Variants in VAV3 observed in about 807,000 individuals in gnomAD.
VAV3 encodes vav guanine nucleotide exchange factor 3, also known as guanine nucleotide exchange factor VAV3.
A neutral mutation model predicts 131.2 loss-of-function variants in VAV3; 94 were observed. The observed-to-expected ratio is 0.72, with a 90% confidence interval of 0.61 to 0.85. The LOEUF is 0.85. VAV3 is among the 40% of genes least tolerant of loss of function. The pLI is 0.00. For synonymous variants in VAV3, 349 were observed against 342.0 expected (o/e 1.02, Z -0.22); for missense variants, 939 against 1,002.7 (o/e 0.94, Z 0.86).
intron 1 of VAV3, among the ~76,000 whole-genome samples, chr1:107,910,118 G>T (rs1427506221): frequency 6.6e-6 from 1 of 152,112 alleles, no homozygotes; most frequent in Non-Finnish European, 1.5e-5. Flanking sequence ...TACAGAAGAG[G>T]AAATGAACTT....
intron 15 of VAV3, among the ~76,000 whole-genome samples, chr1:107,707,581 G>C (rs1660529722): frequency 6.6e-6 from 1 of 152,182 alleles, no homozygotes; most frequent in Non-Finnish European, 1.5e-5. Context: ...CTGTGACCAA[G>C]TCCCCAGAGG....
intron 15 of VAV3, among the ~76,000 whole-genome samples, chr1:107,716,544 T>C (rs1661103998): frequency 6.6e-6 from 1 of 152,224 alleles, no homozygotes; most frequent in African/African-American, 2.4e-5. Context: ...GTTTATTCAT[T>C]TGCATATGTT....
chr1:107,932,783 G>C (rs1372761371), intron 1 of VAV3, among the ~76,000 whole-genome samples: 2 of 152,172 alleles, frequency 1.3e-5, no homozygotes, highest in Non-Finnish European at 2.9e-5. Context: ...GATGTGATTT[G>C]AAGGATAAAG....
At chr1:107,846,778 C>T (rs1242013893) in intron 2 of VAV3, among the ~76,000 whole-genome samples, 2 of 152,138 alleles carry the variant, frequency 1.3e-5, no homozygotes, top group African/African-American at 4.8e-5. Flanking sequence ...AAAGCAAGTC[C>T]TTAGAGACCT....
In VAV3 at chr1:107,571,600, C is replaced by T. The variant is rs1649263808; in HGVS notation, c.*1731G>A. ...AGACAAAACATTCCCGAGACAGAGTCGCAGATAAGACTTTACAGGAAAGAA... is the reference window on the plus strand; with the variant it reads ...AGACAAAACATTCCCGAGACAGAGTTGCAGATAAGACTTTACAGGAAAGAA... On this transcript the variant is annotated 3_prime_UTR_variant, in exon 27 of 27. Transcript: ENST00000370056. The T allele has an allele frequency of 2.0e-5, 3 of 152,564 alleles. No homozygotes were observed. The highest frequency in any genetic ancestry group is 6.5e-5 in the Admixed American group (1 of 15,288). The allele number at this position is 152,564 out of a possible 1,614,324, so 9.5% of individuals were successfully genotyped here.
At chr1:107,710,947 A>G (rs541203158) in intron 15 of VAV3, among the ~76,000 whole-genome samples, 2 of 152,312 alleles carry the variant, frequency 1.3e-5, no homozygotes, top group South Asian at 4.1e-4. Flanking sequence ...AGAATATCAA[A>G]CTAAAGATAA....
chr1:107,902,845 T>C lies in VAV3; in HGVS notation c.205-27828A>G, dbSNP rs190952420. 2.6e-5 allele frequency among the ~76,000 whole-genome samples: 4 copies of C among 152,324 alleles called. No homozygotes were observed. In the East Asian group the frequency reaches 7.7e-4, roughly 29 times the overall value. ...TGATATAAGGCAACTCATTTATCTA[T>C]ATCCATACCCGTATTTGCCATAACA... On this transcript the variant is annotated intron_variant, in intron 1 of 26. Coordinates refer to ENST00000370056, the MANE Select transcript of VAV3 (RefSeq NM_006113.5).
At chr1:107,680,529 C>T (rs1407042703) in intron 19 of VAV3, among the ~76,000 whole-genome samples, 1 of 152,024 alleles carries the variant, frequency 6.6e-6, no homozygotes, top group East Asian at 1.9e-4. Context: ...TTTACTTGGG[C>T]ACCTTTGAGA....
chr1:107,844,225 CT>C (rs1022846798), intron 2 of VAV3, among the ~76,000 whole-genome samples: 1 of 151,986 alleles, frequency 6.6e-6, no homozygotes, highest in Non-Finnish European at 1.5e-5. Flanking sequence ...GGTCAGGGAA[CT>C]CCCTCCCCTA....
rs373145745 is a variant in VAV3 at position 107,649,070 on chromosome 1, CAAAA to C, written c.1778-6319_1778-6316del. ...CAAAAGCCCTCAAAAAACAAACAAA[CAAAA>C]AAAAAGCAAGCACTGTATTGGACAA... On this transcript the variant is annotated intron_variant, in intron 19 of 26. Coordinates refer to ENST00000370056, the MANE Select transcript of VAV3 (RefSeq NM_006113.5). 1.4e-3 allele frequency among the ~76,000 whole-genome samples: 218 copies of C among 151,352 alleles called. 5 individuals carry two copies. In the South Asian group the frequency reaches 0.037, roughly 26 times the overall value.
chr1:107,862,498 C>G (rs991925473), intron 2 of VAV3, among the ~76,000 whole-genome samples: 1 of 151,582 alleles, frequency 6.6e-6, no homozygotes, highest in African/African-American at 2.4e-5. Flanking sequence ...ACAGGCACAA[C>G]AGTCAAAGGC....
At chr1:107,622,106 A>AT (rs1247589782) in intron 20 of VAV3, among the ~76,000 whole-genome samples, 11 of 152,118 alleles carry the variant, frequency 7.2e-5, no homozygotes, top group Admixed American at 2.0e-4. Context: ...CTGAAAAGCA[A>AT]TTTTTTTCCT....
At chr1:107,892,977 C>T (rs1393667483) in intron 1 of VAV3, among the ~76,000 whole-genome samples, 2 of 152,112 alleles carry the variant, frequency 1.3e-5, no homozygotes, top group African/African-American at 4.8e-5. Flanking sequence ...ATGACTAATA[C>T]AAAAGATCTT....
chr1:107,738,217 T>G (rs1023432666), intron 15 of VAV3, among the ~76,000 whole-genome samples: 1 of 151,944 alleles, frequency 6.6e-6, no homozygotes, highest in African/African-American at 2.4e-5. Context: ...GGTGAGGGAA[T>G]GGGGGAGGGA....
intron 2 of VAV3, among the ~76,000 whole-genome samples, chr1:107,865,723 G>A (rs1669953476): frequency 6.6e-6 from 1 of 152,174 alleles, no homozygotes. Context: ...ATAGGCAAGA[G>A]TGGACAGGAA....
chr1:107,631,585 T>C (rs2101390700), intron 20 of VAV3, among the ~76,000 whole-genome samples: 1 of 150,856 alleles, frequency 6.6e-6, no homozygotes, highest in Non-Finnish European at 1.5e-5. Flanking sequence ...CATTAACTCG[T>C]CATTTAGCAT....
At chr1:107,934,564 G>A (rs1440782676) in intron 1 of VAV3, among the ~76,000 whole-genome samples, 1 of 152,108 alleles carries the variant, frequency 6.6e-6, no homozygotes, top group African/African-American at 2.4e-5. Context: ...GTCTCCAGGA[G>A]GAACGGCTCC....
In VAV3 at chr1:107,724,207, G is replaced by A. The variant is rs992768290; in HGVS notation, c.1503-19146C>T. Among the ~76,000 whole-genome samples, 13 of 151,502 alleles carry A rather than the reference G, an allele frequency of 8.6e-5. No individual in the cohort carries two copies. In the East Asian group the frequency reaches 1.2e-3, roughly 14 times the overall value. ...AAGTACTCTTTAAATGTTCACCTCC[G>A]TCTCAGCCCCAAACAGTTATTCCTA... On this transcript the variant is annotated intron_variant, in intron 15 of 26. Transcript: ENST00000370056.
At chr1:107,735,524 T>C (rs181449647) in intron 15 of VAV3, among the ~76,000 whole-genome samples, 8 of 152,098 alleles carry the variant, frequency 5.3e-5, no homozygotes, top group African/African-American at 1.9e-4. Flanking sequence ...ATAAAGGGGA[T>C]ATCACCACCG....
Sources: allele counts gnomAD v4.1 joint callset (sites outside exome capture counted in the v4.1 genomes callset), GRCh38; gene constraint gnomAD v4.1.1; transcripts MANE v1.5; gene names NCBI Gene and HGNC (gene_info 2026-07-23, HGNC 2026-07-21).